Variants in SLIT3 observed in about 807,000 individuals in gnomAD.
SLIT3 encodes slit homolog 3 protein.
SLIT3 carries 68 observed loss-of-function variants against 184.0 expected under a neutral mutation model. That is an observed-to-expected ratio of 0.37 (90% confidence interval 0.30 to 0.45). SLIT3 has a LOEUF of 0.45. SLIT3 is among the 20% of genes least tolerant of loss of function. The pLI, the probability that SLIT3 is intolerant of heterozygous loss-of-function variation, is 1.00. For missense variants in SLIT3, 1,707 were observed against 2,026.0 expected, an observed-to-expected ratio of 0.84 and a Z score of 3.02; for synonymous variants, 831 against 828.6, an observed-to-expected ratio of 1.00 and a Z score of -0.05.
chr5:169,082,641 C>T lies in SLIT3; in HGVS notation c.413+110838G>A, dbSNP rs1026519384. Among the ~76,000 whole-genome samples, 330 of 152,222 alleles carry T rather than the reference C, an allele frequency of 2.2e-3. 1 individual carries two copies. Among genetic ancestry groups the T allele is most frequent in the African/African-American group, 7.6e-3 (317 of 41,532 alleles). On this transcript the variant is annotated intron_variant, in intron 4 of 35. Transcript: ENST00000519560. ...CCTGTGGTAGAATTGTAGGAATGAC[C>T]GCATCAGAACCAAAAGATTAAGAGT...
chr5:169,281,230 G>A (rs1214685248), intron 1 of SLIT3, among the ~76,000 whole-genome samples: 4 of 152,224 alleles, frequency 2.6e-5, no homozygotes, highest in Non-Finnish European at 5.9e-5. Context: ...GCTCATCCCA[G>A]CACTTTGGGA....
At chr5:168,734,570 T>A (rs1007288615) in intron 20 of SLIT3, among the ~76,000 whole-genome samples, 2 of 152,226 alleles carry the variant, frequency 1.3e-5, no homozygotes, top group African/African-American at 4.8e-5. Flanking sequence ...CTGGTGATAT[T>A]ACAGAATGTT....
chr5:169,294,427 C>T (rs1767442064), intron 1 of SLIT3, among the ~76,000 whole-genome samples: 1 of 62,946 alleles, frequency 1.6e-5, no homozygotes, highest in Admixed American at 2.2e-4. Context: ...AGAAGCCAAC[C>T]TGGGCTCTGC....
chr5:168,666,853 C>G, intron 35 of SLIT3, 164 bp from the exon 36 acceptor site: 1 of 1,150,638 alleles, frequency 8.7e-7, no homozygotes, highest in Non-Finnish European at 1.3e-6. Context: ...ATCTATTTTA[C>G]AAACAGGTGC....
intron 4 of SLIT3, among the ~76,000 whole-genome samples, chr5:168,928,448 T>C (rs759819879): frequency 6.6e-6 from 1 of 152,024 alleles, no homozygotes; most frequent in Non-Finnish European, 1.5e-5. Context: ...ACTCCTCGGG[T>C]GTCCCTTGAG....
At chr5:168,761,256 T>A (rs1197359514) in intron 15 of SLIT3, among the ~76,000 whole-genome samples, 2 of 152,154 alleles carry the variant, frequency 1.3e-5, no homozygotes, top group Non-Finnish European at 2.9e-5. Context: ...GACATACCAA[T>A]GACAACTTAA....
intron 4 of SLIT3, among the ~76,000 whole-genome samples, chr5:168,967,903 C>A (rs1419381069): frequency 6.6e-6 from 1 of 152,196 alleles, no homozygotes; most frequent in Non-Finnish European, 1.5e-5. Context: ...TGTCTGCACT[C>A]TCCAGTAGAG....
chr5:168,869,971 T>C (rs944644989), intron 5 of SLIT3, among the ~76,000 whole-genome samples: 3 of 152,232 alleles, frequency 2.0e-5, no homozygotes, highest in African/African-American at 7.2e-5. Flanking sequence ...CATCCATTTA[T>C]AGAGCTGAAT....
intron 20 of SLIT3, among the ~76,000 whole-genome samples, chr5:168,743,019 C>G (rs1353966938): frequency 6.6e-6 from 1 of 152,144 alleles, no homozygotes; most frequent in Non-Finnish European, 1.5e-5. Context: ...GTAGTCCCAG[C>G]TACCGGAGAG....
intron 5 of SLIT3, among the ~76,000 whole-genome samples, chr5:168,879,991 T>C (rs918931705): frequency 1.2e-4 from 18 of 152,250 alleles, no homozygotes; most frequent in African/African-American, 4.3e-4. Flanking sequence ...ATTCTCTGTA[T>C]TGTCTGAACT....
intron 12 of SLIT3, among the ~76,000 whole-genome samples, chr5:168,776,930 A>G (rs895690527): frequency 6.6e-6 from 1 of 152,198 alleles, no homozygotes; most frequent in African/African-American, 2.4e-5. Flanking sequence ...ACACTGAACT[A>G]TTCAGTACAC....
chr5:168,996,812 C>T (rs985874673), intron 4 of SLIT3, among the ~76,000 whole-genome samples: 5 of 152,192 alleles, frequency 3.3e-5, no homozygotes, highest in Admixed American at 1.3e-4. Context: ...AATATTTTTA[C>T]GGCTTCCGCT....
chr5:168,901,743 G>T (rs1032806439), intron 4 of SLIT3, among the ~76,000 whole-genome samples: 2 of 152,140 alleles, frequency 1.3e-5, no homozygotes, highest in African/African-American at 4.8e-5. Flanking sequence ...TCCTCCCTGT[G>T]TGTCTCTCTG....
At chr5:169,038,483 T>G (rs1251820642) in intron 4 of SLIT3, among the ~76,000 whole-genome samples, 3 of 152,178 alleles carry the variant, frequency 2.0e-5, no homozygotes, top group Non-Finnish European at 4.4e-5. Flanking sequence ...AAGGAAGACC[T>G]ATACTTAGGT....
chr5:169,123,077 A>G (rs1043098151), intron 4 of SLIT3, among the ~76,000 whole-genome samples: 1 of 152,196 alleles, frequency 6.6e-6, no homozygotes, highest in African/African-American at 2.4e-5. Context: ...AACGTTTACT[A>G]TGAAAAAACC....
At chr5:168,793,345 C>T (rs577523581) in intron 10 of SLIT3, among the ~76,000 whole-genome samples, 8 of 152,040 alleles carry the variant, frequency 5.3e-5, no homozygotes, top group African/African-American at 9.6e-5. Context: ...AAACTGGTCA[C>T]GTATATTTAG....
In SLIT3 at chr5:169,300,742, C is replaced by T; in HGVS notation, c.-33G>A. On this transcript the variant is annotated 5_prime_UTR_variant, in exon 1 of 36. Coordinates refer to ENST00000519560, the MANE Select transcript of SLIT3 (RefSeq NM_003062.4). The surrounding 1 kb of genome is among the most constrained non-coding windows in gnomAD (Gnocchi z 4.1). ...AGGGCCCCGCTCCTGGAGGAGGCTG[C>T]CTCTGCGGGGCAAGACGCGTGGAGC... 12 of 1,291,228 alleles carry T rather than the reference C, an allele frequency of 9.3e-6. No homozygotes were observed. The highest frequency in any genetic ancestry group is 1.2e-5 in the Non-Finnish European group (12 of 1,021,796). 80.0% of individuals were successfully genotyped at this position (1,291,228 alleles called of 1,614,324 possible).
At chr5:169,120,578 G>A (rs1033270669) in intron 4 of SLIT3, among the ~76,000 whole-genome samples, 1 of 152,148 alleles carries the variant, frequency 6.6e-6, no homozygotes, top group Non-Finnish European at 1.5e-5. Flanking sequence ...AATCCATTTT[G>A]GACTTCAGAC....
chr5:169,081,285 C>A (rs1321364142), intron 4 of SLIT3, among the ~76,000 whole-genome samples: 2 of 152,140 alleles, frequency 1.3e-5, no homozygotes, highest in African/African-American at 4.8e-5. Flanking sequence ...GGGAAGGAGC[C>A]TGGGAAGAGG....
Sources: allele counts gnomAD v4.1 joint callset (sites outside exome capture counted in the v4.1 genomes callset), GRCh38; gene constraint gnomAD v4.1.1; non-coding constraint Gnocchi (gnomAD v3.1); transcripts MANE v1.5; gene names NCBI Gene and HGNC (gene_info 2026-07-23, HGNC 2026-07-21).